Variants in RTKN2 observed in about 807,000 individuals in gnomAD.
RTKN2 encodes rhotekin 2, also known as rhotekin-2.
A neutral mutation model predicts 71.5 loss-of-function variants in RTKN2; 69 were observed. The observed-to-expected ratio is 0.96, with a 90% CI of 0.79 to 1.18. The LOEUF (loss-of-function observed/expected upper bound fraction) is 1.18, where lower values mean the gene tolerates loss of function less well. Among genes scored for constraint, RTKN2 ranks in the 50% most tolerant of loss-of-function variants. The pLI is 0.00. For missense variants in RTKN2, 724 were observed against 719.7 expected, an observed-to-expected ratio of 1.01 and a Z score of -0.07; for synonymous variants, 236 against 236.5, an observed-to-expected ratio of 1.00 and a Z score of 0.02.
At chr10:62,260,728 C>T (rs988238880) in intron 2 of RTKN2, among the ~76,000 whole-genome samples, 6 of 152,030 alleles carry the variant, frequency 3.9e-5, no homozygotes, top group Non-Finnish European at 8.8e-5. Context: ...AGCCACACTG[C>T]CGAATTTAAG....
downstream of RTKN2, among the ~76,000 whole-genome samples, chr10:62,192,003 G>A (rs577055434): frequency 2.0e-5 from 3 of 151,526 alleles, no homozygotes; most frequent in South Asian, 6.3e-4. Flanking sequence ...TAGACTATGT[G>A]TTACATGCAT....
intron 1 of RTKN2, among the ~76,000 whole-genome samples, chr10:62,268,247 G>A (rs1842901301): frequency 6.6e-6 from 1 of 152,210 alleles, no homozygotes; most frequent in Non-Finnish European, 1.5e-5. Context: ...ACCTACACCT[G>A]CAAAAAGACA....
chr10:62,264,056 T>A (rs1305294747), intron 1 of RTKN2, among the ~76,000 whole-genome samples: 1 of 152,176 alleles, frequency 6.6e-6, no homozygotes, highest in Non-Finnish European at 1.5e-5. Context: ...AAAGTGACCA[T>A]CCTAGTTTCT....
intron 9 of RTKN2, among the ~76,000 whole-genome samples, chr10:62,208,956 G>C (rs1841603280): frequency 6.6e-6 from 1 of 152,108 alleles, no homozygotes; most frequent in African/African-American, 2.4e-5. Context: ...CAACAAATCT[G>C]AATATGATCC....
At chr10:62,226,349 T>C (rs914580192) in intron 6 of RTKN2, among the ~76,000 whole-genome samples, 1 of 152,222 alleles carries the variant, frequency 6.6e-6, no homozygotes, top group African/African-American at 2.4e-5. Flanking sequence ...AAGTATGCAA[T>C]GTATGCATGC....
intron 2 of RTKN2, among the ~76,000 whole-genome samples, chr10:62,247,279 G>A (rs1218153765): frequency 6.6e-6 from 1 of 151,884 alleles, no homozygotes; most frequent in African/African-American, 2.4e-5. Context: ...ATATCATCCT[G>A]CTTTTTTGCC....
chr10:62,218,461 C>T (rs1841828218), intron 7 of RTKN2, among the ~76,000 whole-genome samples, 160 bp from the exon 8 acceptor site: 1 of 152,024 alleles, frequency 6.6e-6, no homozygotes, highest in Non-Finnish European at 1.5e-5. Flanking sequence ...ACCCAAATAC[C>T]AGTGCCATAT....
chr10:62,239,429 G>A, intron 5 of RTKN2: 1 of 349,088 alleles, frequency 2.9e-6, no homozygotes, highest in South Asian at 4.7e-5. Context: ...ACTGCTAATA[G>A]TAATTACAAG....
At chr10:62,263,975 T>C (rs1349246242) in intron 1 of RTKN2, among the ~76,000 whole-genome samples, 1 of 152,038 alleles carries the variant, frequency 6.6e-6, no homozygotes, top group Non-Finnish European at 1.5e-5. Context: ...TTTATAAAAA[T>C]TATAAATCAA....
chr10:62,195,767 A>G lies in RTKN2; in HGVS notation c.*2141T>C, dbSNP rs12253181. Reference sequence around the variant, plus strand: ...CAGACCCATTTCAAAGACTTGTAACATACAGTAAGCTGGGCCCCCCAGAAA... The same window carrying G: ...CAGACCCATTTCAAAGACTTGTAACGTACAGTAAGCTGGGCCCCCCAGAAA... On this transcript the variant is annotated 3_prime_UTR_variant, in exon 12 of 12. Coordinates refer to ENST00000373789, the MANE Select transcript of RTKN2 (RefSeq NM_145307.4). 0.2 allele frequency: 193,751 copies of G among 985,088 alleles called. 22,341 individuals carry two copies. Among genetic ancestry groups the G allele is most frequent in the African/African-American group, 0.5 (28,538 of 57,204 alleles). 61.0% of individuals were successfully genotyped at this position (985,088 alleles called of 1,614,324 possible).
chr10:62,186,021 C>T (rs1841129654), intron 8 of RTKN2, among the ~76,000 whole-genome samples: 1 of 152,206 alleles, frequency 6.6e-6, no homozygotes, highest in Non-Finnish European at 1.5e-5. Flanking sequence ...TGCCAAAGGC[C>T]AGTCGGTGAA....
At chr10:62,245,419 G>A (rs1459689872) in intron 3 of RTKN2, among the ~76,000 whole-genome samples, 1 of 152,092 alleles carries the variant, frequency 6.6e-6, no homozygotes, top group Non-Finnish European at 1.5e-5. Flanking sequence ...CTTATGTTTA[G>A]GAGTAATAGA....
At chr10:62,187,325 T>C (rs1041130492) in intron 8 of RTKN2, among the ~76,000 whole-genome samples, 1 of 151,464 alleles carries the variant, frequency 6.6e-6, no homozygotes, top group African/African-American at 2.4e-5. Flanking sequence ...AGTTGAATAG[T>C]CCTCAGAGGG....
At chr10:62,240,205 G>A (rs568594210) in intron 4 of RTKN2, among the ~76,000 whole-genome samples, 1 of 149,278 alleles carries the variant, frequency 6.7e-6, no homozygotes, top group Non-Finnish European at 1.5e-5. Context: ...GCACATTAAC[G>A]ACAGCAAAAT....
intron 9 of RTKN2, among the ~76,000 whole-genome samples, chr10:62,211,927 G>A (rs1208194206): frequency 6.6e-6 from 1 of 152,114 alleles, no homozygotes; most frequent in Non-Finnish European, 1.5e-5. Flanking sequence ...ACCTCCCAAA[G>A]TGCTGGGATT....
chr10:62,229,455 C>T lies in RTKN2; in HGVS notation c.687-6123G>A, dbSNP rs564156393. 4.6e-5 allele frequency among the ~76,000 whole-genome samples: 7 copies of T among 152,194 alleles called. No homozygotes were observed. In the South Asian group the frequency reaches 1.0e-3, roughly 23 times the overall value. On this transcript the variant is annotated intron_variant, in intron 6 of 11. Transcript: ENST00000373789. Reference sequence around the variant, plus strand: ...TAATACTTGTATTATTCTTAACACACGTATGTTAAGTCTATCAAGAAAAAT... The same window carrying T: ...TAATACTTGTATTATTCTTAACACATGTATGTTAAGTCTATCAAGAAAAAT...
downstream of RTKN2, among the ~76,000 whole-genome samples, chr10:62,188,444 G>A (rs1027065957): frequency 1.3e-5 from 2 of 152,154 alleles, no homozygotes; most frequent in Non-Finnish European, 2.9e-5. Context: ...CTCTGAGTTA[G>A]AAATGAATCA....
intron 9 of RTKN2, among the ~76,000 whole-genome samples, chr10:62,206,217 C>T (rs1438409321): frequency 6.6e-6 from 1 of 151,956 alleles, no homozygotes; most frequent in Admixed American, 6.6e-5. Flanking sequence ...CATAGTGGTT[C>T]AAGAGAATCA....
At chr10:62,208,271 T>C (rs1841587357) in intron 9 of RTKN2, among the ~76,000 whole-genome samples, 1 of 152,190 alleles carries the variant, frequency 6.6e-6, no homozygotes, top group East Asian at 1.9e-4. Context: ...TATGTTACTT[T>C]TGACTATACG....
Sources: allele counts gnomAD v4.1 joint callset (sites outside exome capture counted in the v4.1 genomes callset), GRCh38; gene constraint gnomAD v4.1.1; transcripts MANE v1.5; gene names NCBI Gene and HGNC (gene_info 2026-07-23, HGNC 2026-07-21).